Variants in TENM4 observed in about 807,000 individuals in gnomAD.
TENM4 encodes teneurin transmembrane protein 4.
TENM4 carries 82 observed loss-of-function variants against 243.3 expected under a neutral mutation model. That is an observed-to-expected ratio of 0.34 (90% CI 0.28 to 0.40). The LOEUF is 0.40. Among genes scored for constraint, TENM4 ranks in the 10% least tolerant of loss-of-function variants. The probability of loss-of-function intolerance (pLI) is 1.00; values close to 1 mark genes in which losing one functional copy is unlikely to be tolerated. For synonymous variants in TENM4, 1,412 were observed against 1,456.3 expected, an observed-to-expected ratio of 0.97 and a Z score of 0.69; for missense variants, 3,138 against 3,673.3, an observed-to-expected ratio of 0.85 and a Z score of 3.77.
chr11:79,094,732 C>T (rs193182743), intron 4 of TENM4, among the ~76,000 whole-genome samples: 111 of 152,238 alleles, frequency 7.3e-4, no homozygotes, highest in African/African-American at 2.5e-3. Flanking sequence ...TAGAGGCCTC[C>T]GTAAATCAGG....
chr11:78,797,817 C>T (rs777944826), intron 15 of TENM4, among the ~76,000 whole-genome samples: 1 of 152,186 alleles, frequency 6.6e-6, no homozygotes, highest in Non-Finnish European at 1.5e-5. Flanking sequence ...GGAAGGGGTA[C>T]AGGAAATGTC....
intron 1 of TENM4, among the ~76,000 whole-genome samples, chr11:79,398,737 T>TA (rs5792854): frequency 0.31 from 31,194 of 102,254 alleles, 5,059 homozygotes; most frequent in Non-Finnish European, 0.36. Flanking sequence ...TCAGATGCTT[T>TA]AAAAAAAAAA....
chr11:79,270,064 G>C (rs1352496528), intron 2 of TENM4, among the ~76,000 whole-genome samples: 2 of 151,994 alleles, frequency 1.3e-5, no homozygotes, highest in Non-Finnish European at 2.9e-5. Flanking sequence ...AGACTCCTCA[G>C]TGATTGCTGG....
chr11:79,150,974 T>C (rs940965474), intron 3 of TENM4, among the ~76,000 whole-genome samples: 1 of 152,130 alleles, frequency 6.6e-6, no homozygotes, highest in African/African-American at 2.4e-5. Flanking sequence ...CTTGGAAAAG[T>C]GACCTAATTT....
intron 1 of TENM4, among the ~76,000 whole-genome samples, chr11:79,416,009 G>C (rs1565337382): frequency 6.6e-6 from 1 of 152,116 alleles, no homozygotes; most frequent in Non-Finnish European, 1.5e-5. Flanking sequence ...TTTGAGTCTG[G>C]CTTTTTCCAC....
intron 20 of TENM4, among the ~76,000 whole-genome samples, chr11:78,733,753 A>G (rs546232176): frequency 1.3e-5 from 2 of 152,340 alleles, no homozygotes; most frequent in South Asian, 4.1e-4. Context: ...CATGTTTAGA[A>G]GCCAGATGGA....
chr11:79,331,519 C>A (rs927155994), intron 1 of TENM4, among the ~76,000 whole-genome samples: 1 of 152,174 alleles, frequency 6.6e-6, no homozygotes, highest in African/African-American at 2.4e-5. Flanking sequence ...AGTGACCATG[C>A]CTTTCCACTC....
chr11:78,747,745 C>T (rs750106811), intron 19 of TENM4, among the ~76,000 whole-genome samples: 4 of 152,198 alleles, frequency 2.6e-5, no homozygotes, highest in Non-Finnish European at 5.9e-5. Flanking sequence ...AGGCCTGATC[C>T]TATATTCTCT....
chr11:78,991,034 G>C (rs1023594410), intron 6 of TENM4, among the ~76,000 whole-genome samples: 1 of 152,192 alleles, frequency 6.6e-6, no homozygotes, highest in African/African-American at 2.4e-5. Context: ...GGTGAGATCA[G>C]ACTGTAACCT....
chr11:78,660,062 T>G (rs1390438128), intron 33 of TENM4, among the ~76,000 whole-genome samples: 3 of 152,180 alleles, frequency 2.0e-5, no homozygotes, highest in South Asian at 4.1e-4. Context: ...AGACAGGCAG[T>G]CAGAGACCGG....
At chr11:79,300,780 A>G (rs967450811) in intron 1 of TENM4, among the ~76,000 whole-genome samples, 7 of 152,172 alleles carry the variant, frequency 4.6e-5, no homozygotes, top group African/African-American at 1.7e-4. Context: ...TTTGTGTGTT[A>G]ATCTCTTTCC....
At chr11:79,228,713 A>T (rs1304091575) in intron 2 of TENM4, among the ~76,000 whole-genome samples, 1 of 152,194 alleles carries the variant, frequency 6.6e-6, no homozygotes, top group Non-Finnish European at 1.5e-5. Context: ...TAATTTTAAA[A>T]AAGTCTCCTG....
intron 6 of TENM4, among the ~76,000 whole-genome samples, chr11:79,021,199 G>T (rs1320763128): frequency 6.6e-6 from 1 of 152,142 alleles, no homozygotes; most frequent in Non-Finnish European, 1.5e-5. Flanking sequence ...AAACTTGAGG[G>T]TTTCTAAGTC....
chr11:79,322,866 T>C (rs1056456116), intron 1 of TENM4, among the ~76,000 whole-genome samples: 2 of 152,250 alleles, frequency 1.3e-5, no homozygotes, highest in Admixed American at 1.3e-4. Context: ...CAATTTCTCT[T>C]GAGAATCCTC....
chr11:79,151,024 T>C (rs1055806080), intron 3 of TENM4, among the ~76,000 whole-genome samples: 7 of 152,128 alleles, frequency 4.6e-5, no homozygotes, highest in African/African-American at 1.7e-4. Flanking sequence ...GAACAGGGAT[T>C]CAAACCGCAG....
chr11:79,171,050 G>T (rs1863028836), intron 3 of TENM4, among the ~76,000 whole-genome samples: 1 of 152,120 alleles, frequency 6.6e-6, no homozygotes, highest in Non-Finnish European at 1.5e-5. Context: ...TGATGTTGAA[G>T]CATCTTTTCC....
At chr11:79,044,827 A>C (rs79891417) in intron 6 of TENM4, among the ~76,000 whole-genome samples, 4,152 of 152,242 alleles carry the variant, frequency 0.027, 197 homozygotes, top group African/African-American at 0.095. Flanking sequence ...AACCCCAAAC[A>C]CATTTGTATC....
chr11:79,185,789 T>G (rs12575534), intron 3 of TENM4, among the ~76,000 whole-genome samples: 21,584 of 152,106 alleles, frequency 0.14, 1,922 homozygotes, highest in East Asian at 0.37. Flanking sequence ...AAAACATCAT[T>G]TACCCTGCAG....
intron 4 of TENM4, among the ~76,000 whole-genome samples, chr11:79,072,995 T>C (rs944758036): frequency 1.3e-5 from 2 of 152,210 alleles, no homozygotes; most frequent in Non-Finnish European, 2.9e-5. Context: ...ACCCCAACCC[T>C]GTGATATAGG....
Sources: gnomAD v4.1 joint callset for allele counts (sites outside exome capture counted in the v4.1 genomes callset) on GRCh38, gnomAD v4.1.1 for gene constraint, MANE v1.5 for transcripts, NCBI Gene and HGNC (gene_info 2026-07-23, HGNC 2026-07-21) for gene names.